CRPPA: variants seen among roughly 807,000 people sequenced by gnomAD.
The protein encoded by CRPPA is D-ribitol-5-phosphate cytidylyltransferase.
CRPPA carries 43 observed loss-of-function variants against 52.0 expected under a neutral mutation model. The observed-to-expected ratio is 0.83, with a 90% CI of 0.65 to 1.07. The LOEUF is 1.07. Among genes scored for constraint, CRPPA ranks in the 50% least tolerant of loss-of-function variants. The probability of loss-of-function intolerance (pLI) is 0.00; values close to 1 mark genes in which losing one functional copy is unlikely to be tolerated. For synonymous variants in CRPPA, 250 were observed against 203.5 expected (o/e 1.23, Z -1.94); for missense variants, 629 against 551.7 (o/e 1.14, Z -1.40).
intron 9 of CRPPA, among the ~76,000 whole-genome samples, chr7:16,108,051 A>G (rs1290106788): frequency 6.6e-6 from 1 of 152,092 alleles, no homozygotes; most frequent in Non-Finnish European, 1.5e-5. Flanking sequence ...ACAGAAAACC[A>G]TTAAATCACA....
chr7:16,241,948 T>C (rs77714812), intron 8 of CRPPA, among the ~76,000 whole-genome samples: 1 of 122,406 alleles, frequency 8.2e-6, no homozygotes, highest in Non-Finnish European at 1.7e-5. Flanking sequence ...AATCTATTCT[T>C]TTTTTTTTTT....
At chr7:16,230,760 C>G (rs566442651) in intron 8 of CRPPA, among the ~76,000 whole-genome samples, 1 of 152,110 alleles carries the variant, frequency 6.6e-6, no homozygotes, top group Non-Finnish European at 1.5e-5. Flanking sequence ...GATACTTATC[C>G]AAGTCTTCAC....
chr7:16,383,408 G>A (rs1385963356), intron 2 of CRPPA, among the ~76,000 whole-genome samples: 2 of 152,192 alleles, frequency 1.3e-5, no homozygotes, highest in South Asian at 4.1e-4. Context: ...CCCTACTGGG[G>A]GGTGCCTCCC....
At chr7:16,216,952 G>A (rs940187319) in intron 8 of CRPPA, among the ~76,000 whole-genome samples, 9 of 152,046 alleles carry the variant, frequency 5.9e-5, no homozygotes, top group African/African-American at 9.7e-5. Context: ...GCTCAAGGAG[G>A]CCTGCCTGCC....
intron 9 of CRPPA, among the ~76,000 whole-genome samples, chr7:16,137,077 G>A (rs10252279): frequency 6.6e-6 from 1 of 152,214 alleles, no homozygotes; most frequent in Non-Finnish European, 1.5e-5. Flanking sequence ...CTCAATATTT[G>A]TGTTGCCCAA....
intron 9 of CRPPA, among the ~76,000 whole-genome samples, chr7:16,097,167 C>T (rs1326612573): frequency 2.6e-5 from 4 of 151,960 alleles, no homozygotes; most frequent in Non-Finnish European, 2.9e-5. Context: ...CAGTAAAAGG[C>T]CCCTAAAGGA....
intron 5 of CRPPA, among the ~76,000 whole-genome samples, chr7:16,282,873 G>A (rs1403301050): frequency 6.6e-6 from 1 of 151,966 alleles, no homozygotes; most frequent in Non-Finnish European, 1.5e-5. Context: ...GTCTATGGAC[G>A]CAATCAATAT....
chr7:16,408,746 T>C (rs1346272105), intron 1 of CRPPA, among the ~76,000 whole-genome samples: 1 of 152,114 alleles, frequency 6.6e-6, no homozygotes, highest in Non-Finnish European at 1.5e-5. Context: ...GATTTTGAAA[T>C]ATGGAGATGG....
intron 9 of CRPPA, among the ~76,000 whole-genome samples, chr7:16,178,041 G>A (rs1781338304): frequency 6.7e-6 from 1 of 148,748 alleles, no homozygotes; most frequent in Non-Finnish European, 1.5e-5. Flanking sequence ...AAGATTTCTT[G>A]GCTGTTGTCT....
At chr7:16,303,631 T>C (rs776195658) in intron 4 of CRPPA, among the ~76,000 whole-genome samples, 1 of 152,022 alleles carries the variant, frequency 6.6e-6, no homozygotes, top group East Asian at 1.9e-4. Context: ...GTTTATTAGG[T>C]ATAGATTTTT....
rs762062865 is a variant in CRPPA, at chr7:16,216,110, CT to C, written c.1206del (p.Glu403LysfsTer24). 1.4e-5 allele frequency: 22 copies of C among 1,600,004 alleles called. No individual in the cohort carries two copies. The highest frequency in any genetic ancestry group is 1.8e-5 in the Non-Finnish European group (21 of 1,170,396). On this transcript the variant is annotated frameshift_variant, in exon 9 of 10. Transcript: ENST00000407010. LOFTEE classifies it high-confidence loss of function. ...AGCCCATATAACAAAATATTTCTTT[CT>C]TTTACTTCCTTTGCAAATTCTCTAA... ...MQIREFAKEV[K>X]ERNILLYGLL... is the part of the protein sequence containing the mutation.
intron 1 of CRPPA, among the ~76,000 whole-genome samples, chr7:16,408,845 T>C (rs1466487415): frequency 6.6e-6 from 1 of 152,178 alleles, no homozygotes. Flanking sequence ...GAAGATGTGA[T>C]GACAGAAGCA....
At chr7:16,157,638 C>T (rs1783211994) in intron 9 of CRPPA, among the ~76,000 whole-genome samples, 1 of 151,946 alleles carries the variant, frequency 6.6e-6, no homozygotes, top group Non-Finnish European at 1.5e-5. Flanking sequence ...AAGGACTTTT[C>T]CATAGTGACA....
chr7:16,149,973 G>A (rs1026946753), intron 9 of CRPPA, among the ~76,000 whole-genome samples: 4 of 149,994 alleles, frequency 2.7e-5, no homozygotes, highest in Non-Finnish European at 3.0e-5. Context: ...GTGACACAGC[G>A]AGAGTCATTA....
chr7:16,228,427 T>A (rs952083412), intron 8 of CRPPA, among the ~76,000 whole-genome samples: 54 of 151,966 alleles, frequency 3.6e-4, no homozygotes, highest in Non-Finnish European at 2.4e-4. Flanking sequence ...ATTTTTGATG[T>A]AGGTGTATGT....
Position 16,342,816 on chromosome 7 carries a change from TATAC to T in CRPPA, c.684+33272_684+33275del, listed in dbSNP as rs1323301443. On this transcript the variant is annotated intron_variant, in intron 3 of 9. Coordinates refer to ENST00000407010, the MANE Select transcript of CRPPA (RefSeq NM_001101426.4). The stretch of plus-strand genomic sequence containing the variant: ...ATATATATCTATATAGATATATAGA[TATAC>T]ATATATAGATATATAGATATATAGA... Among the ~76,000 whole-genome samples the T allele has an allele frequency of 9.3e-5, 10 of 107,330 alleles. 1 individual carries two copies. Among genetic ancestry groups the T allele is most frequent in the Non-Finnish European group, 1.6e-4 (9 of 54,614 alleles). The allele number at this position is 107,330 out of a possible 152,430, so 70.4% of individuals were successfully genotyped here.
chr7:16,237,130 G>A (rs1401132514), intron 8 of CRPPA, among the ~76,000 whole-genome samples: 2 of 152,206 alleles, frequency 1.3e-5, no homozygotes, highest in East Asian at 1.9e-4. Flanking sequence ...CATAAAATTA[G>A]AGGTTATACT....
intron 1 of CRPPA, among the ~76,000 whole-genome samples, chr7:16,420,008 C>T (rs187526797): frequency 1.3e-4 from 20 of 152,270 alleles, no homozygotes; most frequent in Non-Finnish European, 2.6e-4. Flanking sequence ...TAGGCAGGGG[C>T]AAGGTGAACC....
chr7:16,305,367 G>C (rs1027712013), intron 4 of CRPPA, among the ~76,000 whole-genome samples: 3 of 152,136 alleles, frequency 2.0e-5, no homozygotes, highest in Non-Finnish European at 4.4e-5. Context: ...CCCCAATCCA[G>C]AGCACGACAG....
Sources: gnomAD v4.1 joint callset for allele counts (sites outside exome capture counted in the v4.1 genomes callset) on GRCh38, gnomAD v4.1.1 for gene constraint, MANE v1.5 for transcripts, NCBI Gene and HGNC (gene_info 2026-07-23, HGNC 2026-07-21) for gene names.